The following LYST variants were observed in gnomAD, a reference collection of about 807,000 sequenced individuals.
LYST encodes the protein lysosomal trafficking regulator.
In LYST, 192 loss-of-function variants were observed where a neutral mutation model predicts 413.6. The ratio of observed to expected loss-of-function variants is 0.46; its 90% CI spans 0.41 to 0.52. The LOEUF is 0.52. Among genes scored for constraint, LYST ranks in the 20% least tolerant of loss-of-function variants. The pLI is 0.00. For synonymous variants in LYST, 1,525 were observed against 1,567.3 expected, an observed-to-expected ratio of 0.97 and a Z score of 0.64; for missense variants, 3,815 against 4,499.9, an observed-to-expected ratio of 0.85 and a Z score of 4.35.
chr1:235,807,556 C>A (rs542692822), intron 5 of LYST, among the ~76,000 whole-genome samples: 1 of 152,224 alleles, frequency 6.6e-6, no homozygotes, highest in East Asian at 1.9e-4. Flanking sequence ...ATTGATTTAA[C>A]ATCAATAATA....
chr1:235,790,420 G>A (rs1220275747), intron 12 of LYST, among the ~76,000 whole-genome samples: 1 of 152,162 alleles, frequency 6.6e-6, no homozygotes, highest in Non-Finnish European at 1.5e-5. Flanking sequence ...AGAACCAGCT[G>A]AGCAAAGTGA....
chr1:235,747,651 G>A (rs1004947006), intron 28 of LYST, among the ~76,000 whole-genome samples: 2 of 152,126 alleles, frequency 1.3e-5, no homozygotes, highest in Non-Finnish European at 2.9e-5. Flanking sequence ...CAGCTTTCAT[G>A]CTGTACGTGC....
rs1436849837 is a variant in LYST, at chr1:235,788,842, C to A, written c.4547G>T (p.Ser1516Ile). ...LPDSSFDGTESDRPEGAEYIN... is the reference protein window; with the variant it reads ...LPDSSFDGTEIDRPEGAEYIN... ...GTACTCTGCACCTTCTGGTCTGTCGCTCTCTATAAGAAAAAGATGTTAGAA... is the reference window on the plus strand; with the variant it reads ...GTACTCTGCACCTTCTGGTCTGTCGATCTCTATAAGAAAAAGATGTTAGAA... Residue 1516 changes from serine to isoleucine, a missense_variant, in exon 13 of 53, where the codon AGC becomes ATC. Around this residue, in one of 4 missense-constraint regions of LYST, gnomAD observed 1,648 missense variants for 1,810.3 expected, o/e 0.91. Transcript: ENST00000389793. 1 of 1,613,520 alleles carries A rather than the reference C, an allele frequency of 6.2e-7. No individual in the cohort carries two copies.
At chr1:235,801,159 T>C in intron 8 of LYST, 62 bp from the exon 9 acceptor site, 1 of 1,085,082 alleles carries the variant, frequency 9.2e-7, no homozygotes, top group Non-Finnish European at 1.4e-6. Context: ...TCAAACTTCA[T>C]TAATCATTTA....
intron 48 of LYST, among the ~76,000 whole-genome samples, chr1:235,679,192 G>GC (rs1659617231): frequency 6.6e-6 from 1 of 152,176 alleles, no homozygotes; most frequent in South Asian, 2.1e-4. Context: ...TTTAACAACA[G>GC]CAAGAGTAGT....
At position 235,788,788 on chromosome 1, in the gene LYST, T is replaced by C; in HGVS notation, c.4601A>G (p.Glu1534Gly). 1 of 1,613,418 alleles carries C rather than the reference T, an allele frequency of 6.2e-7. No homozygotes were observed. Among genetic ancestry groups the C allele is most frequent in the South Asian group, 1.1e-5 (1 of 91,072 alleles). The change falls in exon 13 of 53, where the codon GAA becomes GGA. Residue 1534 changes from glutamate to glycine, a missense_variant. Glu to Gly is a moderately conservative substitution (Grantham distance 98). Coordinates refer to ENST00000389793, the MANE Select transcript of LYST (RefSeq NM_000081.4). ...CAGTGAAATTATATGAATACATCCTTCTTCTATGAGTCTTTCACCAGGATT... is the reference window on the plus strand; with the variant it reads ...CAGTGAAATTATATGAATACATCCTCCTTCTATGAGTCTTTCACCAGGATT... ...YINPGERLIE[E>G]GCIHIISLGS... is the part of the protein sequence containing the mutation.
chr1:235,733,787 T>C, intron 33 of LYST, 43 bp downstream of exon 33: 7 of 1,506,634 alleles, frequency 4.6e-6, no homozygotes, highest in Non-Finnish European at 6.5e-6. Context: ...TGAAATCTAA[T>C]GGATTCCTAA....
chr1:235,755,471 C>T lies in LYST; in HGVS notation c.7229+7G>A, dbSNP rs929873809. 1.9e-6 allele frequency: 3 copies of T among 1,602,108 alleles called. No individual in the cohort carries two copies. Among genetic ancestry groups the T allele is most frequent in the Non-Finnish European group, 2.6e-6 (3 of 1,170,168 alleles). On this transcript the variant is annotated splice_region_variant and intron_variant, in intron 25 of 52. Coordinates refer to ENST00000389793, the MANE Select transcript of LYST (RefSeq NM_000081.4). ...CCCAATTATAGTGGAGGGAAGAACA[C>T]ACTTACTCTTCATCAAGGCCAATAT...
At chr1:235,882,848 C>G (rs1681436688) in intron 1 of LYST, among the ~76,000 whole-genome samples, 1 of 152,192 alleles carries the variant, frequency 6.6e-6, no homozygotes, top group Admixed American at 6.5e-5. Flanking sequence ...GTCCTTATAA[C>G]TACGCCATGA....
intron 41 of LYST, among the ~76,000 whole-genome samples, 156 bp from the exon 42 acceptor site, chr1:235,715,513 C>T (rs766124555): frequency 6.6e-6 from 1 of 152,070 alleles, no homozygotes; most frequent in Non-Finnish European, 1.5e-5. Context: ...ACTTCAGCCT[C>T]CTTGAGTGTC....
At chr1:235,851,300 G>A (rs1678504382) in intron 1 of LYST, among the ~76,000 whole-genome samples, 1 of 151,960 alleles carries the variant, frequency 6.6e-6, no homozygotes, top group Admixed American at 6.6e-5. Context: ...AAGTAACTTG[G>A]GAATGGAAAA....
rs1176211658 is a variant in LYST, at chr1:235,805,749, A to C, written c.3387T>G (p.Pro1129=). 6.2e-7 allele frequency: 1 copy of C among 1,611,718 alleles called. No individual in the cohort carries two copies. The highest frequency in any genetic ancestry group is 8.5e-7 in the Non-Finnish European group (1 of 1,178,362). The change falls in exon 6 of 53, where the codon CCT becomes CCG. Residue 1129 remains proline (P), a synonymous_variant. Coordinates refer to ENST00000389793, the MANE Select transcript of LYST (RefSeq NM_000081.4). ...ACTAAGGACAAGGTATTACCTGATT[A>C]GGTAACTCCAATTCCATCTTCTGTT... is the stretch of plus-strand genomic sequence containing the variant. ...TSQQKMELEL[P]NQNLSVESIL...
chr1:235,664,695 C>G lies in LYST; in HGVS notation c.11039-74G>C. 7.0e-7 allele frequency: 1 copy of G among 1,418,836 alleles called. No homozygotes were observed. 87.9% of individuals were successfully genotyped at this position (1,418,836 alleles called of 1,614,324 possible). The stretch of plus-strand genomic sequence containing the variant: ...GAGCCCACATTTGGCCCCAGAAGGG[C>G]AACCCTGAAGGGCAAGCTCATTTGT... On this transcript the variant is annotated intron_variant, in intron 50 of 52. Coordinates refer to ENST00000389793, the MANE Select transcript of LYST (RefSeq NM_000081.4). This position sits in a 1 kb window ranked among gnomAD's most constrained non-coding sequence, Gnocchi z 4.5.
chr1:235,806,803 TTAAA>T (rs762902895), intron 5 of LYST, 31 bp from the exon 6 acceptor site: 1 of 1,438,950 alleles, frequency 6.9e-7, no homozygotes, highest in Non-Finnish European at 9.8e-7. Flanking sequence ...GTAAAAAGGT[TTAAA>T]TAAAGAAACA....
chr1:235,722,927 GA>G (rs1414039627), intron 39 of LYST, among the ~76,000 whole-genome samples: 1 of 152,152 alleles, frequency 6.6e-6, no homozygotes, highest in African/African-American at 2.4e-5. Context: ...TTTGATTTCA[GA>G]AACAGTATGG....
intron 25 of LYST, among the ~76,000 whole-genome samples, chr1:235,753,560 T>C (rs1227900445): frequency 1.3e-5 from 2 of 152,194 alleles, no homozygotes; most frequent in East Asian, 3.8e-4. Flanking sequence ...GAGCCCTTTA[T>C]GTCCAAAGAA....
intron 7 of LYST, among the ~76,000 whole-genome samples, chr1:235,804,270 T>C (rs755828025): frequency 6.6e-6 from 1 of 152,200 alleles, no homozygotes; most frequent in Non-Finnish European, 1.5e-5. Flanking sequence ...ATTTCCAGAT[T>C]AGATAAGGAA....
At chr1:235,787,659 C>T (rs184155919) in intron 13 of LYST, among the ~76,000 whole-genome samples, 153 of 151,978 alleles carry the variant, frequency 1.0e-3, no homozygotes, top group African/African-American at 3.6e-3. Flanking sequence ...TATATTATTA[C>T]TATTTATATA....
intron 1 of LYST, among the ~76,000 whole-genome samples, chr1:235,845,405 G>A (rs1300615423): frequency 6.6e-6 from 1 of 152,186 alleles, no homozygotes. Context: ...GGTGGCTAGA[G>A]GAGCAGGGGG....
Sources: gnomAD v4.1 joint callset for allele counts (sites outside exome capture counted in the v4.1 genomes callset) on GRCh38, gnomAD v4.1.1 for gene constraint, gnomAD v4.1.1 regional missense constraint, Gnocchi (gnomAD v3.1) non-coding constraint, MANE v1.5 for transcripts, NCBI Gene and HGNC (gene_info 2026-07-23, HGNC 2026-07-21) for gene names.